RBFOX1: variants seen among roughly 807,000 people sequenced by gnomAD.
RBFOX1 encodes the protein RNA binding fox-1 homolog 1.
RBFOX1 carries 8 observed loss-of-function variants against 57.7 expected under a neutral mutation model. The ratio of observed to expected loss-of-function variants is 0.14; its 90% CI spans 0.08 to 0.25. The LOEUF (loss-of-function observed/expected upper bound fraction) is 0.25. Ranked by LOEUF, RBFOX1 falls within the 10% of genes least tolerant of loss-of-function variation. RBFOX1 has a pLI of 1.00. For missense variants in RBFOX1, 611 were observed against 548.5 expected, an observed-to-expected ratio of 1.11 and a Z score of -1.14; for synonymous variants, 326 against 222.4, an observed-to-expected ratio of 1.47 and a Z score of -4.15.
chr16:6,943,585 G>T (rs1454340153), intron 3 of RBFOX1, among the ~76,000 whole-genome samples: 1 of 152,004 alleles, frequency 6.6e-6, no homozygotes, highest in African/African-American at 2.4e-5. Flanking sequence ...GCGGGTGCCT[G>T]TAGTCCCAGC....
chr16:6,234,664 C>G lies in RBFOX1; in HGVS notation c.-126-82331C>G, dbSNP rs74005007. Among the ~76,000 whole-genome samples the G allele has an allele frequency of 3.3e-3, 495 of 152,186 alleles. 2 individuals are homozygous for G. Among genetic ancestry groups the G allele is most frequent in the African/African-American group, 0.011 (449 of 41,516 alleles). On this transcript the variant is annotated intron_variant, in intron 1 of 15. Coordinates refer to ENST00000550418, the MANE Select transcript of RBFOX1 (RefSeq NM_018723.4). The stretch of plus-strand genomic sequence containing the variant: ...GACTCAGTAATGGTGGCATTGTAAA[C>G]TTAAGTAGGAATTTTTGAAGGAAAA...
intron 3 of RBFOX1, among the ~76,000 whole-genome samples, chr16:5,621,200 C>G (rs191179600): frequency 2.8e-4 from 42 of 152,256 alleles, no homozygotes; most frequent in Admixed American, 1.4e-3. Flanking sequence ...TGGTCTCAAA[C>G]TCTTCGGCTC....
chr16:7,098,050 G>A (rs1044582313), intron 4 of RBFOX1, among the ~76,000 whole-genome samples: 1 of 152,212 alleles, frequency 6.6e-6, no homozygotes, highest in Non-Finnish European at 1.5e-5. Flanking sequence ...AGTAAAGCCA[G>A]TGTTGTCAAT....
At chr16:5,373,071 T>G (rs1381417217) in intron 1 of RBFOX1, among the ~76,000 whole-genome samples, 1 of 152,208 alleles carries the variant, frequency 6.6e-6, no homozygotes, top group African/African-American at 2.4e-5. Context: ...CTTCTGAAAC[T>G]GGTGGGAACC....
At chr16:5,737,558 A>G (rs1031761279) in intron 3 of RBFOX1, among the ~76,000 whole-genome samples, 5 of 148,342 alleles carry the variant, frequency 3.4e-5, no homozygotes, top group Non-Finnish European at 7.4e-5. Flanking sequence ...TCCATGTACT[A>G]CAATTTTCTG....
At chr16:7,281,228 C>G (rs1486111206) in intron 4 of RBFOX1, among the ~76,000 whole-genome samples, 1 of 151,792 alleles carries the variant, frequency 6.6e-6, no homozygotes, top group Non-Finnish European at 1.5e-5. Flanking sequence ...GTCTCAGACT[C>G]CTGAACTTAA....
intron 3 of RBFOX1, among the ~76,000 whole-genome samples, chr16:6,913,495 C>G (rs1031683604): frequency 6.6e-6 from 1 of 152,150 alleles, no homozygotes; most frequent in African/African-American, 2.4e-5. Flanking sequence ...CCCCACAACC[C>G]TCGGCCCCAT....
At chr16:5,680,935 C>G (rs1016065444) in intron 3 of RBFOX1, among the ~76,000 whole-genome samples, 1 of 151,690 alleles carries the variant, frequency 6.6e-6, no homozygotes, top group Non-Finnish European at 1.5e-5. Context: ...GGCAGGGGTG[C>G]AGCAGCTATA....
intron 2 of RBFOX1, among the ~76,000 whole-genome samples, chr16:6,549,776 G>A (rs2096958210): frequency 6.6e-6 from 1 of 152,040 alleles, no homozygotes. Flanking sequence ...AATGAAATAG[G>A]CAGATGTAGA....
intron 1 of RBFOX1, among the ~76,000 whole-genome samples, chr16:6,192,427 G>C (rs1567648372): frequency 6.6e-6 from 1 of 151,742 alleles, no homozygotes; most frequent in African/African-American, 2.4e-5. Context: ...GTCTTTATTT[G>C]AGCCCCTCTA....
At chr16:7,004,716 G>C (rs148565079) in intron 3 of RBFOX1, among the ~76,000 whole-genome samples, 1 of 152,200 alleles carries the variant, frequency 6.6e-6, no homozygotes, top group African/African-American at 2.4e-5. Flanking sequence ...AAGATGTATG[G>C]TGAGCTGGTA....
chr16:6,097,225 C>A lies in RBFOX1; in HGVS notation c.-127+77233C>A, dbSNP rs2096256010. Among the ~76,000 whole-genome samples, 1 of 152,206 alleles carries A rather than the reference C, an allele frequency of 6.6e-6. No homozygotes were observed. Among genetic ancestry groups the A allele is most frequent in the Non-Finnish European group, 1.5e-5 (1 of 68,046 alleles). On this transcript the variant is annotated intron_variant, in intron 1 of 15. Transcript: ENST00000550418. The surrounding 1 kb of genome is among the most constrained non-coding windows in gnomAD (Gnocchi z 5.0). ...GTGAGGCCTCCGTAGCCATGTGGAA[C>A]TGTGAGTCCATTAAACTTCTTTTTG...
chr16:7,189,448 A>AG (rs1555547779), intron 4 of RBFOX1, among the ~76,000 whole-genome samples: 119 of 143,106 alleles, frequency 8.3e-4, no homozygotes, highest in African/African-American at 3.1e-3. Flanking sequence ...AAAAAAAAAA[A>AG]GGAATCCTCA....
At chr16:6,361,440 C>G (rs1361312260) in intron 2 of RBFOX1, among the ~76,000 whole-genome samples, 3 of 151,820 alleles carry the variant, frequency 2.0e-5, no homozygotes, top group Admixed American at 6.6e-5. Flanking sequence ...CCAGCCTGGC[C>G]AATATGGTGA....
chr16:5,583,312 G>T (rs1046345772), intron 2 of RBFOX1, among the ~76,000 whole-genome samples: 3 of 152,182 alleles, frequency 2.0e-5, no homozygotes, highest in African/African-American at 4.8e-5. Flanking sequence ...AGCTTCATAG[G>T]CAGACAACAA....
chr16:6,982,868 C>T (rs1172053581), intron 3 of RBFOX1, among the ~76,000 whole-genome samples: 1 of 151,858 alleles, frequency 6.6e-6, no homozygotes, highest in Non-Finnish European at 1.5e-5. Context: ...TGGCGGATGC[C>T]TGTAATCCAA....
chr16:7,446,157 A>G (rs1388725653), intron 4 of RBFOX1, among the ~76,000 whole-genome samples: 1 of 152,218 alleles, frequency 6.6e-6, no homozygotes, highest in Admixed American at 6.5e-5. Context: ...AGGAAAGAGC[A>G]TTGTCATTGA....
chr16:5,803,408 G>A (rs918735411), intron 3 of RBFOX1, among the ~76,000 whole-genome samples: 2 of 152,180 alleles, frequency 1.3e-5, no homozygotes, highest in Admixed American at 6.5e-5. Flanking sequence ...TCTGATCCCA[G>A]TTCCCACACT....
At chr16:7,039,849 G>C (rs966086943) in intron 3 of RBFOX1, among the ~76,000 whole-genome samples, 3 of 152,022 alleles carry the variant, frequency 2.0e-5, no homozygotes, top group Non-Finnish European at 4.4e-5. Flanking sequence ...GAGGCAAAGC[G>C]ACCTCTCTCT....
Sources: allele counts gnomAD v4.1 joint callset (sites outside exome capture counted in the v4.1 genomes callset), GRCh38; gene constraint gnomAD v4.1.1; non-coding constraint Gnocchi (gnomAD v3.1); transcripts MANE v1.5; gene names NCBI Gene and HGNC (gene_info 2026-07-23, HGNC 2026-07-21).